PSMD1: variants seen among roughly 807,000 people sequenced by gnomAD.
PSMD1 encodes proteasome 26S subunit, non-ATPase 1.
A neutral mutation model predicts 119.0 loss-of-function variants in PSMD1; 18 were observed. The observed-to-expected ratio is 0.15, with a 90% confidence interval of 0.10 to 0.22. The LOEUF is 0.22. PSMD1 is among the 10% of genes least tolerant of loss of function. The probability of loss-of-function intolerance (pLI) is 1.00; values close to 1 mark genes in which losing one functional copy is unlikely to be tolerated. For missense variants in PSMD1, 702 were observed against 1,158.5 expected (o/e 0.61, Z 5.72); for synonymous variants, 374 against 396.6 (o/e 0.94, Z 0.68).
intron 19 of PSMD1, among the ~76,000 whole-genome samples, chr2:231,160,429 G>A (rs2125266081): frequency 6.6e-6 from 1 of 152,238 alleles, no homozygotes; most frequent in Non-Finnish European, 1.5e-5. Context: ...ATTTGTAAGG[G>A]ATATTTCTCA....
At chr2:231,057,154 CTTCTT>C (rs1693616419) in intron 1 of PSMD1, 113 bp downstream of exon 1, 12 of 1,321,130 alleles carry the variant, frequency 9.1e-6, no homozygotes, top group Non-Finnish European at 1.2e-5. Context: ...GCCTGGGCAG[CTTCTT>C]GCTGCCCAGG....
chr2:231,089,575 A>T (rs1467706970), intron 16 of PSMD1, among the ~76,000 whole-genome samples: 1 of 151,374 alleles, frequency 6.6e-6, no homozygotes, highest in Non-Finnish European at 1.5e-5. Context: ...AGGGTTCCCT[A>T]GAGGGACAGA....
intron 18 of PSMD1, among the ~76,000 whole-genome samples, chr2:231,152,463 A>G (rs1324382557): frequency 1.3e-5 from 2 of 152,184 alleles, no homozygotes; most frequent in African/African-American, 4.8e-5. Context: ...TATAATAGCC[A>G]TGTAAGGTAG....
chr2:231,106,972 T>A (rs1031643163), intron 16 of PSMD1, among the ~76,000 whole-genome samples: 1 of 152,206 alleles, frequency 6.6e-6, no homozygotes, highest in Non-Finnish European at 1.5e-5. Context: ...AAATCCATCA[T>A]ATTAGAGACC....
At chr2:231,172,365 G>A (rs961146612) in intron 24 of PSMD1, among the ~76,000 whole-genome samples, 170 bp from the exon 25 acceptor site, 1 of 152,204 alleles carries the variant, frequency 6.6e-6, no homozygotes, top group Non-Finnish European at 1.5e-5. Flanking sequence ...CAGTCCATTA[G>A]GAGTTTGGAA....
chr2:231,065,097 C>T lies in PSMD1; in HGVS notation c.305-1809C>T, dbSNP rs905964857. Among the ~76,000 whole-genome samples, 5 of 148,146 alleles carry T rather than the reference C, an allele frequency of 3.4e-5. No homozygotes were observed. In the Admixed American group the frequency reaches 3.4e-4, roughly 10 times the overall value. ...TAACCCGGGTCATCTAGTAGGCCAA[C>T]AATCATTTATGCTAGTTAAAATTAT... On this transcript the variant is annotated intron_variant, in intron 4 of 24. Coordinates refer to ENST00000308696, the MANE Select transcript of PSMD1 (RefSeq NM_002807.4).
chr2:231,082,630 A>G (rs1694337897), intron 12 of PSMD1, among the ~76,000 whole-genome samples: 2 of 152,144 alleles, frequency 1.3e-5, no homozygotes, highest in African/African-American at 4.8e-5. Flanking sequence ...ACTTGAACCC[A>G]GGAGGTGGAG....
rs145547548 is a variant in PSMD1 at position 231,098,555 on chromosome 2, TTCTCTCTCTC to T, written c.1883+11387_1883+11396del. Among the ~76,000 whole-genome samples the T allele has an allele frequency of 2.7e-5, 4 of 147,830 alleles. No individual in the cohort carries two copies. In the South Asian group the frequency reaches 8.7e-4, roughly 32 times the overall value. On this transcript the variant is annotated intron_variant, in intron 16 of 24. Coordinates refer to ENST00000308696, the MANE Select transcript of PSMD1 (RefSeq NM_002807.4). Reference sequence around the variant, plus strand: ...TCTCTGCCTCTCTTTCCCCTTTCTCTTCTCTCTCTCTCTCTCTCTCTCCCCTCTCTGCTGT... The same window carrying T: ...TCTCTGCCTCTCTTTCCCCTTTCTCTTCTCTCTCTCTCCCCTCTCTGCTGT...
At chr2:231,143,320 C>T (rs1696173754) in intron 17 of PSMD1, among the ~76,000 whole-genome samples, 1 of 151,918 alleles carries the variant, frequency 6.6e-6, no homozygotes, top group African/African-American at 2.4e-5. Context: ...ACCTCCACCT[C>T]CTGGGTTCAA....
rs1330388441 is a variant in PSMD1, at chr2:231,082,865, T to C, written c.1414-18T>C. On this transcript the variant is annotated intron_variant, in intron 12 of 24. Transcript: ENST00000308696. ...AGTACAGTGTACCAAATCAATGGAA[T>C]CTATGTTTTTTCCTTAGATCGTTAG... The C allele has an allele frequency of 1.3e-6, 2 of 1,577,810 alleles. No homozygotes were observed. Among genetic ancestry groups the C allele is most frequent in the Non-Finnish European group, 1.7e-6 (2 of 1,147,844 alleles).
chr2:231,084,793 A>G (rs1191258480), intron 14 of PSMD1, among the ~76,000 whole-genome samples: 1 of 152,210 alleles, frequency 6.6e-6, no homozygotes, highest in Non-Finnish European at 1.5e-5. Flanking sequence ...GAAGCAGGGC[A>G]GGCATATTGC....
intron 24 of PSMD1, among the ~76,000 whole-genome samples, 154 bp from the exon 25 acceptor site, chr2:231,172,381 A>C (rs375633885): frequency 1.8e-4 from 27 of 152,354 alleles, no homozygotes; most frequent in African/African-American, 6.3e-4. Flanking sequence ...TGGAAACTAT[A>C]ATCTGTCGTG....
At chr2:231,140,760 G>T (rs1339858478) in intron 17 of PSMD1, among the ~76,000 whole-genome samples, 1 of 150,034 alleles carries the variant, frequency 6.7e-6, no homozygotes, top group Non-Finnish European at 1.5e-5. Context: ...CACCTGTAAT[G>T]CCAGCTACTC....
intron 16 of PSMD1, among the ~76,000 whole-genome samples, chr2:231,127,293 A>G (rs2125238457): frequency 1.3e-5 from 2 of 151,916 alleles, no homozygotes; most frequent in South Asian, 4.2e-4. Context: ...AAAAAACAAG[A>G]ATTTAAATGT....
At chr2:231,141,074 G>A (rs1039712045) in intron 17 of PSMD1, among the ~76,000 whole-genome samples, 1 of 151,964 alleles carries the variant, frequency 6.6e-6, no homozygotes, top group Non-Finnish European at 1.5e-5. Flanking sequence ...TCGGGATGCC[G>A]AGGCGGGCGG....
chr2:231,113,371 G>A (rs1574740631), intron 16 of PSMD1, among the ~76,000 whole-genome samples: 1 of 152,232 alleles, frequency 6.6e-6, no homozygotes, highest in African/African-American at 2.4e-5. Context: ...TTATTTTAAT[G>A]TAATTACAGG....
chr2:231,076,713 A>G (rs1223391869), intron 8 of PSMD1, among the ~76,000 whole-genome samples: 1 of 152,174 alleles, frequency 6.6e-6, no homozygotes, highest in East Asian at 1.9e-4. Context: ...CTCAGTTTCA[A>G]GTAGGAAGTT....
At chr2:231,091,162 A>T (rs1694580228) in intron 16 of PSMD1, among the ~76,000 whole-genome samples, 1 of 152,208 alleles carries the variant, frequency 6.6e-6, no homozygotes, top group Non-Finnish European at 1.5e-5. Context: ...TACAGATTTA[A>T]TGAGAAAGGC....
intron 18 of PSMD1, among the ~76,000 whole-genome samples, chr2:231,150,304 A>G (rs1445556984): frequency 1.3e-5 from 2 of 151,816 alleles, no homozygotes; most frequent in Non-Finnish European, 2.9e-5. Context: ...CCGAGATCAC[A>G]CCACTGCACT....
Sources: allele counts gnomAD v4.1 joint callset (sites outside exome capture counted in the v4.1 genomes callset), GRCh38; gene constraint gnomAD v4.1.1; transcripts MANE v1.5; gene names NCBI Gene and HGNC (gene_info 2026-07-23, HGNC 2026-07-21).